The following SRBD1 variants were observed in gnomAD, a reference collection of about 807,000 sequenced individuals.
SRBD1 encodes S1 RNA-binding domain-containing protein 1.
In SRBD1, 88 loss-of-function variants were observed where a neutral mutation model predicts 115.3. That is an observed-to-expected ratio of 0.76 (90% CI 0.64 to 0.91). The LOEUF (loss-of-function observed/expected upper bound fraction) is 0.91, where lower values mean the gene tolerates loss of function less well. Ranked by LOEUF, SRBD1 falls within the 40% of genes least tolerant of loss-of-function variation. The probability of loss-of-function intolerance (pLI) is 0.00; values close to 1 mark genes in which losing one functional copy is unlikely to be tolerated. For synonymous variants in SRBD1, 509 were observed against 407.7 expected, an observed-to-expected ratio of 1.25 and a Z score of -2.99; for missense variants, 1,385 against 1,177.4, an observed-to-expected ratio of 1.18 and a Z score of -2.58.
At chr2:45,572,631 G>A (rs890317539) in intron 9 of SRBD1, among the ~76,000 whole-genome samples, 1 of 151,924 alleles carries the variant, frequency 6.6e-6, no homozygotes, top group Non-Finnish European at 1.5e-5. Flanking sequence ...AAAGAACACT[G>A]ATAAATGTCA....
intron 4 of SRBD1, among the ~76,000 whole-genome samples, chr2:45,586,895 TC>T (rs1285701294): frequency 6.8e-6 from 1 of 148,108 alleles, no homozygotes; most frequent in Non-Finnish European, 1.5e-5. Flanking sequence ...TTATTTAAAA[TC>T]ATTGGTATTT....
chr2:45,549,696 C>CAAAAAAAAAAAAAAAAAAA lies in SRBD1; in HGVS notation c.1675+1410_1675+1428dup, dbSNP rs10646755. ...CGAAACTCCGTCTCTACTAAAAATACAAAAAAAAAAAAAAAAAAAAGGCAG... is the reference window on the plus strand; with the variant it reads ...CGAAACTCCGTCTCTACTAAAAATACAAAAAAAAAAAAAAAAAAAAAAAAAAAAAAAAAAAAAAAGGCAG... On this transcript the variant is annotated intron_variant, in intron 12 of 20. Transcript: ENST00000263736. 2.4e-5 allele frequency among the ~76,000 whole-genome samples: 2 copies of CAAAAAAAAAAAAAAAAAAA among 84,752 alleles called. 1 individual carries two copies. The highest frequency in any genetic ancestry group is 8.8e-5 in the African/African-American group (2 of 22,728). 55.6% of individuals were successfully genotyped at this position (84,752 alleles called of 152,430 possible).
chr2:45,582,757 T>C (rs551496262), intron 5 of SRBD1, among the ~76,000 whole-genome samples: 49 of 152,270 alleles, frequency 3.2e-4, no homozygotes, highest in African/African-American at 1.1e-3. Context: ...TATTTCAGGC[T>C]TATCTTCTAG....
chr2:45,425,680 G>A (rs935028352), intron 16 of SRBD1, among the ~76,000 whole-genome samples: 10 of 152,098 alleles, frequency 6.6e-5, no homozygotes, highest in Non-Finnish European at 1.3e-4. Context: ...CAGAAGCAGG[G>A]TGGAAAGCGC....
At chr2:45,533,381 A>T (rs1365510580) in intron 14 of SRBD1, among the ~76,000 whole-genome samples, 1 of 152,078 alleles carries the variant, frequency 6.6e-6, no homozygotes, top group East Asian at 1.9e-4. Context: ...AAGGATGGAC[A>T]CTACAACCCT....
At chr2:45,428,309 G>A (rs899343371) in intron 16 of SRBD1, among the ~76,000 whole-genome samples, 2 of 152,160 alleles carry the variant, frequency 1.3e-5, no homozygotes, top group African/African-American at 4.8e-5. Flanking sequence ...CCAGCACTTT[G>A]GGAGGCCGAG....
chr2:45,493,049 A>C (rs1670347384), intron 14 of SRBD1, among the ~76,000 whole-genome samples: 1 of 152,218 alleles, frequency 6.6e-6, no homozygotes, highest in Non-Finnish European at 1.5e-5. Flanking sequence ...CAGGCTCTAC[A>C]AATATCTAGC....
At chr2:45,561,128 A>T (rs984988207) in intron 10 of SRBD1, among the ~76,000 whole-genome samples, 1 of 152,138 alleles carries the variant, frequency 6.6e-6, no homozygotes, top group African/African-American at 2.4e-5. Context: ...AAAAGAAAAG[A>T]AACTATATAG....
chr2:45,411,581 G>C (rs1572606987), intron 19 of SRBD1, among the ~76,000 whole-genome samples: 1 of 151,996 alleles, frequency 6.6e-6, no homozygotes. Flanking sequence ...GAGGTATAAG[G>C]GAACGTTTTC....
chr2:45,531,019 T>A (rs1325747477), intron 14 of SRBD1, among the ~76,000 whole-genome samples: 1 of 151,754 alleles, frequency 6.6e-6, no homozygotes, highest in Non-Finnish European at 1.5e-5. Flanking sequence ...GTCAAATAAT[T>A]TGCGTATACT....
intron 14 of SRBD1, among the ~76,000 whole-genome samples, chr2:45,514,544 T>C (rs1671065679): frequency 6.6e-6 from 1 of 152,134 alleles, no homozygotes; most frequent in East Asian, 1.9e-4. Context: ...TAGCTAACAT[T>C]TAAACTAAAA....
At chr2:45,603,100 T>C (rs1230615621) in intron 2 of SRBD1, among the ~76,000 whole-genome samples, 2 of 152,168 alleles carry the variant, frequency 1.3e-5, no homozygotes, top group East Asian at 1.9e-4. Context: ...CCTCATACTA[T>C]CATCAAACTG....
intron 9 of SRBD1, among the ~76,000 whole-genome samples, chr2:45,567,404 G>A (rs1672864960): frequency 6.6e-6 from 1 of 152,096 alleles, no homozygotes; most frequent in South Asian, 2.1e-4. Flanking sequence ...GAGCTCAGGA[G>A]TTCAAGATGA....
chr2:45,603,788 C>G (rs1342762739), intron 2 of SRBD1, among the ~76,000 whole-genome samples: 1 of 152,144 alleles, frequency 6.6e-6, no homozygotes, highest in Non-Finnish European at 1.5e-5. Context: ...ACGTGGCCTC[C>G]CAAAGCACTG....
intron 14 of SRBD1, among the ~76,000 whole-genome samples, chr2:45,498,890 C>G (rs1670542934): frequency 6.6e-6 from 1 of 152,156 alleles, no homozygotes; most frequent in Non-Finnish European, 1.5e-5. Context: ...TTTATCCATT[C>G]ATCAGCTGAC....
intron 16 of SRBD1, among the ~76,000 whole-genome samples, chr2:45,422,032 T>C (rs1346475262): frequency 6.6e-6 from 1 of 152,128 alleles, no homozygotes; most frequent in Admixed American, 6.6e-5. Flanking sequence ...AGGGAACTTT[T>C]TAAAATGGGT....
Position 45,572,273 on chromosome 2 carries a change from T to C in SRBD1, c.1305+934A>G, listed in dbSNP as rs191604208. Among the ~76,000 whole-genome samples, 348 of 152,232 alleles carry C rather than the reference T, an allele frequency of 2.3e-3. 6 individuals carry two copies. The highest frequency in any genetic ancestry group is 6.0e-4 in the Non-Finnish European group (41 of 67,974). Reference sequence around the variant, plus strand: ...TAAAAACCATCAACCAAGAATTCTATATTTTAAAAACTCTCTATAAAAAAA... The same window carrying C: ...TAAAAACCATCAACCAAGAATTCTACATTTTAAAAACTCTCTATAAAAAAA... On this transcript the variant is annotated intron_variant, in intron 9 of 20. Coordinates refer to ENST00000263736, the MANE Select transcript of SRBD1 (RefSeq NM_018079.5).
chr2:45,411,206 T>C (rs539924469), intron 19 of SRBD1, among the ~76,000 whole-genome samples: 2 of 152,288 alleles, frequency 1.3e-5, no homozygotes, highest in South Asian at 4.1e-4. Context: ...GATAATCTGC[T>C]GCAGAATTGA....
chr2:45,588,883 T>C (rs1231571130), intron 4 of SRBD1, among the ~76,000 whole-genome samples: 1 of 152,232 alleles, frequency 6.6e-6, no homozygotes, highest in African/African-American at 2.4e-5. Context: ...TCAATAAATC[T>C]CCTTTATTGC....
Sources: allele counts gnomAD v4.1 joint callset (sites outside exome capture counted in the v4.1 genomes callset), GRCh38; gene constraint gnomAD v4.1.1; transcripts MANE v1.5; gene names NCBI Gene and HGNC (gene_info 2026-07-23, HGNC 2026-07-21).